Variants in GULP1 observed in about 807,000 individuals in gnomAD.
GULP1 encodes PTB domain-containing engulfment adapter protein 1.
A neutral mutation model predicts 40.9 loss-of-function variants in GULP1; 19 were observed. That is an observed-to-expected ratio of 0.46 (90% confidence interval 0.32 to 0.68). The LOEUF (loss-of-function observed/expected upper bound fraction) is 0.68. GULP1 is among the 30% of genes least tolerant of loss of function. GULP1 has a pLI of 0.03. For missense variants in GULP1, 312 were observed against 362.2 expected (o/e 0.86, Z 1.12); for synonymous variants, 119 against 117.6 (o/e 1.01, Z -0.08).
chr2:188,344,466 C>T (rs1302655981), intron 1 of GULP1, among the ~76,000 whole-genome samples: 6 of 151,996 alleles, frequency 3.9e-5, no homozygotes, highest in East Asian at 3.9e-4. Context: ...ACATAAAATT[C>T]GAGGGGAAAG....
At chr2:188,361,110 T>C (rs1448088641) in intron 1 of GULP1, among the ~76,000 whole-genome samples, 1 of 152,148 alleles carries the variant, frequency 6.6e-6, no homozygotes, top group African/African-American at 2.4e-5. Flanking sequence ...AAATGTTACG[T>C]GCAGCATGTA....
intron 7 of GULP1, among the ~76,000 whole-genome samples, chr2:188,566,800 A>T (rs1194576014): frequency 6.7e-6 from 1 of 149,012 alleles, no homozygotes; most frequent in Non-Finnish European, 1.5e-5. Flanking sequence ...ATCTCAAAAA[A>T]AAAAAAAAAA....
intron 1 of GULP1, among the ~76,000 whole-genome samples, chr2:188,342,317 G>T (rs979816780): frequency 6.6e-6 from 1 of 152,022 alleles, no homozygotes; most frequent in African/African-American, 2.4e-5. Context: ...GGTAGTCCTT[G>T]GCACATGGCT....
intron 7 of GULP1, among the ~76,000 whole-genome samples, chr2:188,547,550 G>A (rs1351834674): frequency 6.6e-6 from 1 of 152,116 alleles, no homozygotes; most frequent in African/African-American, 2.4e-5. Flanking sequence ...GGTTAAGCCA[G>A]TCTAGCCTTT....
At chr2:188,470,251 A>G (rs913229876) in intron 2 of GULP1, among the ~76,000 whole-genome samples, 21 of 152,028 alleles carry the variant, frequency 1.4e-4, no homozygotes, top group African/African-American at 5.1e-4. Flanking sequence ...TGATTTGTTC[A>G]TGTTTTGAAT....
chr2:188,448,084 G>A (rs1024543873), intron 2 of GULP1, among the ~76,000 whole-genome samples: 4 of 152,190 alleles, frequency 2.6e-5, no homozygotes, highest in Non-Finnish European at 4.4e-5. Flanking sequence ...GGTAAAATCA[G>A]AGATATAGTT....
At chr2:188,504,792 G>A (rs924322287) in intron 4 of GULP1, among the ~76,000 whole-genome samples, 3 of 151,776 alleles carry the variant, frequency 2.0e-5, no homozygotes, top group Non-Finnish European at 4.4e-5. Context: ...AATCAACAGT[G>A]AATCATAAGT....
intron 1 of GULP1, among the ~76,000 whole-genome samples, chr2:188,326,900 A>G (rs372203603): frequency 2.0e-5 from 3 of 152,212 alleles, no homozygotes; most frequent in East Asian, 3.9e-4. Context: ...GACTCAGCAG[A>G]ATTCAGCAGA....
rs556777085 is a variant in GULP1, at chr2:188,394,438, T to TA, written c.-45+10558dup. Among the ~76,000 whole-genome samples the TA allele has an allele frequency of 1.8e-4, 28 of 151,740 alleles. No individual in the cohort carries two copies. The South Asian group carries it at 2.1e-3, about 11-fold the overall frequency. On this transcript the variant is annotated intron_variant, in intron 2 of 11. Coordinates refer to ENST00000409830, the MANE Select transcript of GULP1 (RefSeq NM_016315.4). Reference sequence around the variant, plus strand: ...AAAATTTTCATTCATATCCTGAATTTAAAAAAAAATTAAGTTAGTTTTCAC... The same window carrying TA: ...AAAATTTTCATTCATATCCTGAATTTAAAAAAAAAATTAAGTTAGTTTTCAC...
chr2:188,323,080 T>C (rs1303795102), intron 1 of GULP1, among the ~76,000 whole-genome samples: 1 of 152,050 alleles, frequency 6.6e-6, no homozygotes, highest in Non-Finnish European at 1.5e-5. Flanking sequence ...TTCTCTTCGT[T>C]GAGTTTTCCT....
intron 2 of GULP1, among the ~76,000 whole-genome samples, chr2:188,412,399 C>G (rs1419482867): frequency 6.6e-6 from 1 of 152,064 alleles, no homozygotes; most frequent in Non-Finnish European, 1.5e-5. Flanking sequence ...CTTCAGTGAC[C>G]CCAGCTAACA....
At chr2:188,384,590 T>C (rs931333070) in intron 2 of GULP1, among the ~76,000 whole-genome samples, 3 of 152,158 alleles carry the variant, frequency 2.0e-5, no homozygotes, top group African/African-American at 4.8e-5. Context: ...CCCAAAGTCT[T>C]AACTCATTTC....
chr2:188,441,832 G>C (rs1028106304), intron 2 of GULP1, among the ~76,000 whole-genome samples: 1 of 152,140 alleles, frequency 6.6e-6, no homozygotes, highest in African/African-American at 2.4e-5. Flanking sequence ...ATTTGGATCT[G>C]ATAGAGCCCT....
chr2:188,584,396 T>G lies in GULP1; in HGVS notation c.741T>G (p.Thr247=). Residue 247 remains threonine, a synonymous_variant, in exon 10 of 12, where the codon ACT becomes ACG. Coordinates refer to ENST00000409830, the MANE Select transcript of GULP1 (RefSeq NM_016315.4). ...CACCTCCAGTACCTAGTAGATCTAC[T>G]GAGATTAGTAAGCTTTCTCAACAAA... is the stretch of plus-strand genomic sequence containing the variant. ...TQPPPVPSRS[T]EIKRDLFGAE... The G allele has an allele frequency of 1.3e-6, 2 of 1,578,506 alleles. 1 individual carries two copies. The highest frequency in any genetic ancestry group is 1.7e-6 in the Non-Finnish European group (2 of 1,156,000).
At chr2:188,519,139 G>T (rs1004161761) in intron 4 of GULP1, among the ~76,000 whole-genome samples, 1 of 152,248 alleles carries the variant, frequency 6.6e-6, no homozygotes, top group South Asian at 2.1e-4. Flanking sequence ...ATAAGAAAAA[G>T]TTGGGTTAAG....
rs1324711625 is a variant in GULP1, at chr2:188,326,204, A to C, written c.-172+34038A>C. On this transcript the variant is annotated intron_variant, in intron 1 of 11. Coordinates refer to ENST00000409830, the MANE Select transcript of GULP1 (RefSeq NM_016315.4). ...AGGTTTTCTATATTTTACATTATGC[A>C]TATTAAGTCCAGATCTAATATTTCA... Among the ~76,000 whole-genome samples the C allele has an allele frequency of 3.9e-5, 6 of 152,222 alleles. No homozygotes were observed. The East Asian group carries it at 5.8e-4, about 15-fold the overall frequency.
chr2:188,442,206 A>G (rs1028388182), intron 2 of GULP1, among the ~76,000 whole-genome samples: 3 of 152,222 alleles, frequency 2.0e-5, no homozygotes, highest in Admixed American at 6.5e-5. Context: ...ATGTTTTTGA[A>G]TAATATATGG....
At chr2:188,307,372 A>C (rs1312987270) in intron 1 of GULP1, among the ~76,000 whole-genome samples, 1 of 152,168 alleles carries the variant, frequency 6.6e-6, no homozygotes, top group Non-Finnish European at 1.5e-5. Context: ...ATATGTTTTC[A>C]GAAGAAAATA....
chr2:188,415,270 G>A (rs2152737103), intron 2 of GULP1, among the ~76,000 whole-genome samples: 1 of 152,176 alleles, frequency 6.6e-6, no homozygotes, highest in Non-Finnish European at 1.5e-5. Context: ...AAAGATTATA[G>A]AATGAAGGCT....
Sources: gnomAD v4.1 joint callset for allele counts (sites outside exome capture counted in the v4.1 genomes callset) on GRCh38, gnomAD v4.1.1 for gene constraint, MANE v1.5 for transcripts, NCBI Gene and HGNC (gene_info 2026-07-23, HGNC 2026-07-21) for gene names.